COL24A1: variants seen among roughly 807,000 people sequenced by gnomAD.
COL24A1 encodes collagen type XXIV alpha 1 chain, also known as collagen alpha-1(XXIV) chain.
In COL24A1, 224 loss-of-function variants were observed where a neutral mutation model predicts 253.9. That is an observed-to-expected ratio of 0.88 (90% CI 0.79 to 0.99). The LOEUF is 0.99. Among genes scored for constraint, COL24A1 ranks in the 50% least tolerant of loss-of-function variants. The pLI is 0.00. For missense variants in COL24A1, 2,131 were observed against 2,068.5 expected (o/e 1.03, Z -0.59); for synonymous variants, 685 against 673.7 (o/e 1.02, Z -0.26).
chr1:85,884,686 C>T (rs1301629139), intron 32 of COL24A1, among the ~76,000 whole-genome samples: 2 of 152,144 alleles, frequency 1.3e-5, no homozygotes. Context: ...TTAGGTTTTC[C>T]TTTCCCAAAG....
intron 39 of COL24A1, among the ~76,000 whole-genome samples, chr1:85,844,103 C>A (rs1676915479): frequency 6.7e-6 from 1 of 150,118 alleles, no homozygotes; most frequent in Non-Finnish European, 1.5e-5. Flanking sequence ...TTTATTAGCC[C>A]CAAAAAAGGA....
Position 85,909,957 on chromosome 1 carries a change from C to A in COL24A1, c.2663G>T (p.Gly888Val). The A allele has an allele frequency of 1.2e-6, 2 of 1,609,734 alleles. No homozygotes were observed. Among genetic ancestry groups the A allele is most frequent in the Non-Finnish European group, 1.7e-6 (2 of 1,176,542 alleles). Reference protein sequence around the residue: ...PGPLGPQGEKGVMGYPGPPGV... With the variant: ...PGPLGPQGEKVVMGYPGPPGV... ...AAATCACTGAGCTCTTACCATAACA[C>A]CTTTTTCTCCCTGCGGACCTAGTGG... Residue 888 changes from glycine to valine, a missense_variant, in exon 26 of 60, where the codon GGT becomes GTT. Physicochemically the swap from Gly to Val is moderately radical, Grantham distance 109. Transcript: ENST00000370571.
At chr1:85,906,836 T>C (rs1365196574) in intron 28 of COL24A1, among the ~76,000 whole-genome samples, 4 of 151,930 alleles carry the variant, frequency 2.6e-5, no homozygotes, top group Non-Finnish European at 5.9e-5. Flanking sequence ...TATTTTGTCA[T>C]GATGTTATTT....
At position 86,156,333 on chromosome 1, in the gene COL24A1, C is replaced by T. The variant is rs769169907; in HGVS notation, c.56+8G>A. The stretch of plus-strand genomic sequence containing the variant: ...ACCCCTACCCTACCCGGCGGGTGGG[C>T]TACTTACGTTTTTGCCGTGGGGGAG... On this transcript the variant is annotated splice_region_variant and intron_variant, in intron 1 of 59. Transcript: ENST00000370571. 10 of 1,612,408 alleles carry T rather than the reference C, an allele frequency of 6.2e-6. No homozygotes were observed. Among genetic ancestry groups the T allele is most frequent in the Middle Eastern group, 3.3e-4 (2 of 6,004 alleles).
intron 7 of COL24A1, among the ~76,000 whole-genome samples, chr1:86,080,418 AAAAT>A (rs966541977): frequency 1.3e-5 from 2 of 152,320 alleles, no homozygotes; most frequent in Admixed American, 6.5e-5. Context: ...TGTATAATTT[AAAAT>A]AAATAGAGTA....
intron 19 of COL24A1, among the ~76,000 whole-genome samples, chr1:86,004,224 C>A (rs1020686961): frequency 6.6e-6 from 1 of 152,136 alleles, no homozygotes; most frequent in Admixed American, 6.5e-5. Context: ...GAAGTATCAG[C>A]AGTTCATCAT....
chr1:85,907,824 C>T (rs933120035), intron 27 of COL24A1, among the ~76,000 whole-genome samples: 1 of 151,456 alleles, frequency 6.6e-6, no homozygotes, highest in South Asian at 2.1e-4. Flanking sequence ...AACTGGAAAA[C>T]AAAATTTATT....
chr1:86,062,504 C>T (rs1263537181), intron 8 of COL24A1, among the ~76,000 whole-genome samples: 1 of 151,954 alleles, frequency 6.6e-6, no homozygotes, highest in Non-Finnish European at 1.5e-5. Context: ...GTATATTACC[C>T]TCAGAGATAA....
intron 32 of COL24A1, among the ~76,000 whole-genome samples, chr1:85,877,572 A>C (rs554735961): frequency 3.9e-4 from 60 of 152,344 alleles, no homozygotes; most frequent in African/African-American, 1.4e-3. Context: ...TATGTTGACC[A>C]GGCTGGTCAT....
chr1:86,131,196 A>G (rs1649116471), intron 2 of COL24A1, among the ~76,000 whole-genome samples: 1 of 152,116 alleles, frequency 6.6e-6, no homozygotes, highest in South Asian at 2.1e-4. Flanking sequence ...TATCTTTGAA[A>G]TGCAGGAATT....
chr1:85,861,435 T>C (rs1476892556), intron 37 of COL24A1, among the ~76,000 whole-genome samples: 5 of 152,186 alleles, frequency 3.3e-5, no homozygotes, highest in Admixed American at 1.3e-4. Context: ...TTGTGTCCTA[T>C]GAACCAACAA....
At chr1:86,009,529 A>G (rs1312131017) in intron 19 of COL24A1, among the ~76,000 whole-genome samples, 2 of 152,336 alleles carry the variant, frequency 1.3e-5, no homozygotes, top group African/African-American at 4.8e-5. Flanking sequence ...AGGCAATTGT[A>G]ACACATTGGT....
intron 19 of COL24A1, among the ~76,000 whole-genome samples, chr1:86,006,860 T>C (rs1224525526): frequency 2.6e-5 from 4 of 151,974 alleles, no homozygotes; most frequent in African/African-American, 9.7e-5. Flanking sequence ...ATACAGATGG[T>C]AAATAAGCAT....
intron 2 of COL24A1, among the ~76,000 whole-genome samples, chr1:86,135,095 A>C (rs1338716164): frequency 6.6e-6 from 1 of 151,776 alleles, no homozygotes; most frequent in Non-Finnish European, 1.5e-5. Context: ...TCCCTTTACC[A>C]TTACGTAATG....
intron 47 of COL24A1, among the ~76,000 whole-genome samples, chr1:85,803,270 T>C (rs1671621273): frequency 6.6e-6 from 1 of 152,042 alleles, no homozygotes; most frequent in Admixed American, 6.6e-5. Context: ...ACCCCATCTC[T>C]ACTAAAAATT....
intron 47 of COL24A1, among the ~76,000 whole-genome samples, chr1:85,800,672 G>A (rs939606963): frequency 6.6e-6 from 1 of 152,128 alleles, no homozygotes; most frequent in African/African-American, 2.4e-5. Context: ...TATTACTGAT[G>A]CAACCGTCAT....
At chr1:86,051,177 A>C (rs1700270745) in intron 10 of COL24A1, among the ~76,000 whole-genome samples, 1 of 152,176 alleles carries the variant, frequency 6.6e-6, no homozygotes, top group Non-Finnish European at 1.5e-5. Flanking sequence ...TCACTGGTTC[A>C]ACAAACATTA....
chr1:85,844,381 A>G (rs750310531), intron 39 of COL24A1, among the ~76,000 whole-genome samples: 3 of 152,118 alleles, frequency 2.0e-5, no homozygotes, highest in South Asian at 2.1e-4. Flanking sequence ...GTAAAAACAC[A>G]AACATAAAAA....
chr1:85,808,268 T>C (rs1163714066), intron 47 of COL24A1, among the ~76,000 whole-genome samples: 1 of 152,258 alleles, frequency 6.6e-6, no homozygotes, highest in Admixed American at 6.5e-5. Context: ...ATTCCCTATC[T>C]GTTTTACTCA....
Sources: gnomAD v4.1 joint callset for allele counts (sites outside exome capture counted in the v4.1 genomes callset) on GRCh38, gnomAD v4.1.1 for gene constraint, MANE v1.5 for transcripts, NCBI Gene and HGNC (gene_info 2026-07-23, HGNC 2026-07-21) for gene names.